Variants in AGBL1 observed in about 807,000 individuals in gnomAD.
AGBL1 encodes cytosolic carboxypeptidase 4.
In AGBL1, 130 loss-of-function variants were observed where a neutral mutation model predicts 118.9. The observed-to-expected ratio is 1.09, with a 90% CI of 0.95 to 1.26. The LOEUF (loss-of-function observed/expected upper bound fraction) is 1.26, where lower values mean the gene tolerates loss of function less well. AGBL1 is among the 50% of genes most tolerant of loss of function. The probability of loss-of-function intolerance (pLI) is 0.00; values close to 1 mark genes in which losing one functional copy is unlikely to be tolerated. For synonymous variants in AGBL1, 555 were observed against 478.9 expected, an observed-to-expected ratio of 1.16 and a Z score of -2.08; for missense variants, 1,584 against 1,298.1, an observed-to-expected ratio of 1.22 and a Z score of -3.38.
chr15:86,217,095 T>A (rs928027447), intron 5 of AGBL1, among the ~76,000 whole-genome samples: 1 of 152,212 alleles, frequency 6.6e-6, no homozygotes, highest in African/African-American at 2.4e-5. Context: ...TCTCTTTACC[T>A]TGTTGTTGTT....
chr15:86,967,597 T>G (rs1317774684), intron 23 of AGBL1, among the ~76,000 whole-genome samples: 4 of 152,054 alleles, frequency 2.6e-5, no homozygotes, highest in African/African-American at 7.2e-5. Context: ...TTTCCCCATT[T>G]CTTCTTTTTG....
chr15:86,932,924 A>G (rs915259427), intron 23 of AGBL1: 52 of 152,186 alleles, frequency 3.4e-4, no homozygotes, highest in African/African-American at 1.2e-3. Flanking sequence ...TGGAAACAGA[A>G]TTGTTAGTCA....
chr15:86,974,587 AATT>A (rs1303861698), intron 23 of AGBL1, among the ~76,000 whole-genome samples: 1 of 138,720 alleles, frequency 7.2e-6, no homozygotes, highest in African/African-American at 2.8e-5. Flanking sequence ...AATATATAAA[AATT>A]ATATATAATT....
rs1170412268 is a variant in AGBL1, at chr15:86,827,341, G to GTATA, written c.3159-79728_3159-79725dup. ...TACACACACATATATATATATATGT[G>GTATA]TATATATATATATATATATATGTGT... On this transcript the variant is annotated intron_variant, in intron 22 of 22. Coordinates refer to ENST00000614907, the MANE Select transcript of AGBL1 (RefSeq NM_001386094.1). Among the ~76,000 whole-genome samples, 3 of 2,484 alleles carry GTATA rather than the reference G, an allele frequency of 1.2e-3. 1 individual carries two copies. The highest frequency in any genetic ancestry group is 1.9e-3 in the Non-Finnish European group (3 of 1,562). The allele number at this position is 2,484 out of a possible 152,430, so 1.6% of individuals were successfully genotyped here. A position where few individuals can be genotyped will look rare whatever the true frequency, so the allele number is the denominator to read the frequency against.
chr15:86,413,933 C>T (rs2081655435), intron 18 of AGBL1, among the ~76,000 whole-genome samples: 1 of 151,948 alleles, frequency 6.6e-6, no homozygotes, highest in African/African-American at 2.4e-5. Context: ...AACTGTCCAT[C>T]AATGGATGAT....
chr15:87,026,361 G>C (rs890660204), intron 24 of AGBL1, among the ~76,000 whole-genome samples: 1 of 151,446 alleles, frequency 6.6e-6, no homozygotes, highest in African/African-American at 2.4e-5. Context: ...GACAATTCTC[G>C]AAGATATACA....
chr15:86,741,063 G>A (rs1188345104), intron 22 of AGBL1, among the ~76,000 whole-genome samples: 3 of 151,892 alleles, frequency 2.0e-5, no homozygotes, highest in Non-Finnish European at 4.4e-5. Flanking sequence ...GCCTCTGAAT[G>A]GTAAAACTCC....
intron 18 of AGBL1, among the ~76,000 whole-genome samples, chr15:86,422,387 C>A (rs1490543235): frequency 6.6e-6 from 1 of 152,162 alleles, no homozygotes; most frequent in Admixed American, 6.5e-5. Flanking sequence ...TAAAGAAATT[C>A]TCTGAAACCA....
intron 6 of AGBL1, among the ~76,000 whole-genome samples, chr15:86,244,525 C>G (rs994084691): frequency 6.6e-6 from 1 of 151,704 alleles, no homozygotes; most frequent in Non-Finnish European, 1.5e-5. Flanking sequence ...TGTAGGGTCG[C>G]GGGGGAAGGA....
At chr15:86,176,083 T>C (rs1351356353) in intron 5 of AGBL1, among the ~76,000 whole-genome samples, 2 of 152,184 alleles carry the variant, frequency 1.3e-5, no homozygotes, top group Non-Finnish European at 2.9e-5. Flanking sequence ...AGTGAGGTGT[T>C]GAATTCCCCA....
rs147591562 is a variant in AGBL1, at chr15:86,976,995, A to G, written c.3222-10992A>G. Among the ~76,000 whole-genome samples the G allele has an allele frequency of 4.7e-3, 713 of 152,020 alleles. 8 individuals are homozygous for G. Among genetic ancestry groups the G allele is most frequent in the African/African-American group, 0.017 (687 of 41,524 alleles). On this transcript the variant is annotated intron_variant, in intron 23 of 24. Coordinates refer to the AGBL1 transcript ENST00000441037. ...TTTCTGAATTTGTTGATGTCTTTTA[A>G]TTTTGACTCACTGTTTTGCTGTAAA...
Position 86,403,799 on chromosome 15 carries a change from A to G in AGBL1, c.2555+6253A>G, listed in dbSNP as rs193257254. On this transcript the variant is annotated intron_variant, in intron 18 of 22. Coordinates refer to ENST00000614907, the MANE Select transcript of AGBL1 (RefSeq NM_001386094.1). ...TCTATCCCACATTACTTTGCTGTAG[A>G]TATTTAAGGGAGTTAGAATGTAAGA... 5.3e-5 allele frequency among the ~76,000 whole-genome samples: 8 copies of G among 152,290 alleles called. No individual in the cohort carries two copies. In the East Asian group the frequency reaches 1.5e-3, roughly 29 times the overall value.
chr15:86,525,915 G>C (rs2083256364), intron 19 of AGBL1, among the ~76,000 whole-genome samples: 1 of 152,090 alleles, frequency 6.6e-6, no homozygotes, highest in South Asian at 2.1e-4. Context: ...AGAAATAACA[G>C]AGTAAACAGA....
chr15:86,262,078 C>CTTTTTTGTTTTTTTTTTTTTTTTTTTT (rs71468166), intron 9 of AGBL1, among the ~76,000 whole-genome samples: 1 of 52,768 alleles, frequency 1.9e-5, no homozygotes, highest in African/African-American at 6.1e-5. Flanking sequence ...GCATAGCTGG[C>CTTTTTTGTTTTTTTTTTTTTTTTTTTT]TTTTTTTTTT....
chr15:86,355,253 A>G (rs1440267928), intron 17 of AGBL1, among the ~76,000 whole-genome samples: 1 of 152,222 alleles, frequency 6.6e-6, no homozygotes, highest in African/African-American at 2.4e-5. Flanking sequence ...ATAAAGGTAT[A>G]TATGTTCTTC....
intron 6 of AGBL1, 47 bp from the exon 7 acceptor site, chr15:86,247,624 G>A: frequency 6.6e-7 from 1 of 1,509,658 alleles, no homozygotes; most frequent in Non-Finnish European, 9.0e-7. Context: ...AAAGAGGTGT[G>A]GCTGTGGAGA....
intron 5 of AGBL1, among the ~76,000 whole-genome samples, chr15:86,207,945 A>G (rs1342322748): frequency 6.6e-6 from 1 of 152,078 alleles, no homozygotes; most frequent in Non-Finnish European, 1.5e-5. Context: ...ATATTGGCTG[A>G]GGGTTTGTCA....
chr15:86,978,879 AG>A (rs1167142021), intron 23 of AGBL1, among the ~76,000 whole-genome samples: 1 of 152,234 alleles, frequency 6.6e-6, no homozygotes, highest in Non-Finnish European at 1.5e-5. Context: ...GGATCCAGTC[AG>A]GGGGAACCCA....
At chr15:87,015,481 T>TA (rs377471525) in intron 24 of AGBL1, among the ~76,000 whole-genome samples, 7 of 150,290 alleles carry the variant, frequency 4.7e-5, no homozygotes, top group Non-Finnish European at 8.8e-5. Flanking sequence ...AGGGCAATGA[T>TA]ATGGAAGTCA....
Sources: gnomAD v4.1 joint callset for allele counts (sites outside exome capture counted in the v4.1 genomes callset) on GRCh38, gnomAD v4.1.1 for gene constraint, MANE v1.5 for transcripts, NCBI Gene and HGNC (gene_info 2026-07-23, HGNC 2026-07-21) for gene names.